Variants in CGN observed in about 807,000 individuals in gnomAD.
CGN encodes cingulin.
A neutral mutation model predicts 157.1 loss-of-function variants in CGN; 121 were observed. The ratio of observed to expected loss-of-function variants is 0.77; its 90% confidence interval spans 0.66 to 0.90. CGN has a LOEUF of 0.90. CGN is among the 40% of genes least tolerant of loss of function. CGN has a pLI of 0.00. For missense variants in CGN, 1,424 were observed against 1,520.9 expected, an observed-to-expected ratio of 0.94 and a Z score of 1.06; for synonymous variants, 535 against 607.5, an observed-to-expected ratio of 0.88 and a Z score of 1.76.
chr1:151,518,861 C>T lies in CGN; in HGVS notation c.342C>T (p.Pro114=), dbSNP rs199670131. The change falls in exon 2 of 21, where the codon CCC becomes CCT. Residue 114 remains proline (P), a synonymous_variant. Transcript: ENST00000271636. ...CTCAGGTCAAGGGATTTCCTGCCCC[C>T]TCGCAGAGCAGCACATCTGATGAGG... ...PYSQVKGFPA[P]SQSSTSDEEP... 89 of 1,613,974 alleles carry T rather than the reference C, an allele frequency of 5.5e-5. 1 individual carries two copies. The East Asian group carries it at 1.9e-3, about 35-fold the overall frequency.
chr1:151,530,981 A>T (rs929053569), intron 13 of CGN, among the ~76,000 whole-genome samples: 1 of 152,092 alleles, frequency 6.6e-6, no homozygotes, highest in Admixed American at 6.5e-5. Context: ...CTCTACTAAA[A>T]ATACAAAAAA....
In CGN at chr1:151,535,969, T is replaced by C; in HGVS notation, c.3197+71T>C. 2.5e-6 allele frequency: 3 copies of C among 1,210,990 alleles called. No individual in the cohort carries two copies. In the South Asian group the frequency reaches 3.8e-5, roughly 15 times the overall value. 75.0% of individuals were successfully genotyped at this position (1,210,990 alleles called of 1,614,324 possible). On this transcript the variant is annotated intron_variant, in intron 18 of 20. Transcript: ENST00000271636. Reference sequence around the variant, plus strand: ...TCCCTCCCTCTTGGCTTTTCTCCTCTGTGGCTCCCTCCATCTTCCACCTCA... The same window carrying C: ...TCCCTCCCTCTTGGCTTTTCTCCTCCGTGGCTCCCTCCATCTTCCACCTCA...
chr1:151,515,016 CTT>C (rs879710325), intron 1 of CGN, among the ~76,000 whole-genome samples: 11 of 143,136 alleles, frequency 7.7e-5, no homozygotes, highest in Admixed American at 1.4e-4. Flanking sequence ...GTACAAACAT[CTT>C]TTTTTTTTTT....
chr1:151,520,717 G>A (rs1664527172), intron 5 of CGN, 26 bp downstream of exon 5: 1 of 1,593,070 alleles, frequency 6.3e-7, no homozygotes, highest in Non-Finnish European at 8.6e-7. Flanking sequence ...AGGTGCCGGA[G>A]GCATGAAGGA....
chr1:151,516,558 TTGA>T, intron 1 of CGN, among the ~76,000 whole-genome samples: 1 of 150,872 alleles, frequency 6.6e-6, no homozygotes, highest in East Asian at 2.0e-4. Flanking sequence ...TTTTTTTTTT[TTGA>T]GATAGAGTTT....
At chr1:151,520,725 G>A in intron 5 of CGN, 34 bp downstream of exon 5, 2 of 1,560,944 alleles carry the variant, frequency 1.3e-6, no homozygotes, top group South Asian at 1.1e-5. Context: ...GAGGCATGAA[G>A]GAAAACAGGG....
intron 2 of CGN, 137 bp downstream of exon 2, chr1:151,519,529 A>G: frequency 1.4e-6 from 1 of 738,472 alleles, no homozygotes; most frequent in Non-Finnish European, 2.2e-6. Context: ...TCTCTACTGT[A>G]TCTGTCCACA....
At chr1:151,533,633 A>T (rs1434641180) in intron 14 of CGN, among the ~76,000 whole-genome samples, 2 of 150,854 alleles carry the variant, frequency 1.3e-5, no homozygotes, top group Non-Finnish European at 3.0e-5. Flanking sequence ...TCTCTACTAA[A>T]AATACAAAAA....
Position 151,535,024 on chromosome 1 carries a change from CTTG to C in CGN, c.2905-15_2905-13del. On this transcript the variant is annotated splice_polypyrimidine_tract_variant and intron_variant, in intron 15 of 20. Transcript: ENST00000271636. ...GTGTCCAGCATTTGGGACAGAATTA[CTTG>C]TTCTTCTGTCCTAGGAAAAAGTCTC... 1.3e-6 allele frequency: 2 copies of C among 1,593,782 alleles called. No individual in the cohort carries two copies. The highest frequency in any genetic ancestry group is 1.7e-6 in the Non-Finnish European group (2 of 1,162,002).
At chr1:151,525,417 C>T (rs1664649579) in intron 8 of CGN, among the ~76,000 whole-genome samples, 2 of 151,980 alleles carry the variant, frequency 1.3e-5, no homozygotes, top group Non-Finnish European at 2.9e-5. Flanking sequence ...TAAAAAGTCC[C>T]AAGGGGAAAT....
intron 9 of CGN, among the ~76,000 whole-genome samples, chr1:151,526,474 C>T (rs1481448783): frequency 3.3e-5 from 5 of 151,078 alleles, no homozygotes. Context: ...TGCACCCAGT[C>T]CCTTTCTTCT....
At chr1:151,533,242 C>T (rs1034531413) in intron 14 of CGN, among the ~76,000 whole-genome samples, 4 of 152,212 alleles carry the variant, frequency 2.6e-5, no homozygotes, top group Non-Finnish European at 5.9e-5. Flanking sequence ...CGTTGGGAGG[C>T]TGAGGCGGGC....
Position 151,529,501 on chromosome 1 carries a change from A to G in CGN, c.2048A>G (p.Asn683Ser). The change falls in exon 11 of 21, where the codon AAC becomes AGC. Residue 683 changes from asparagine to serine, a missense_variant. Physicochemically the swap from Asn to Ser is conservative, Grantham distance 46. This residue lies in a region of CGN where 1,187 missense variants were observed against 1,217.6 expected (regional missense o/e 0.97). Coordinates refer to ENST00000271636, the MANE Select transcript of CGN (RefSeq NM_020770.3). The part of the protein sequence containing the change: ...ADRGRELEEQ[N>S]LQLQKTLQQL... ...CGAGGTCGGGAGCTGGAAGAACAGA[A>G]CCTCCAGCTACAAAAGACCCTCCAG... 1 of 1,613,690 alleles carries G rather than the reference A, an allele frequency of 6.2e-7. No individual in the cohort carries two copies. The highest frequency in any genetic ancestry group is 1.7e-5 in the Admixed American group (1 of 59,964).
chr1:151,537,124 G>A, intron 20 of CGN, 81 bp from the exon 21 acceptor site: 3 of 1,475,732 alleles, frequency 2.0e-6, no homozygotes, highest in South Asian at 1.3e-5. Context: ...GAAGAATTGG[G>A]GTTTCCTTTG....
intron 13 of CGN, 138 bp from the exon 14 acceptor site, chr1:151,532,264 C>T (rs1664852551): frequency 3.7e-6 from 2 of 544,346 alleles, no homozygotes; most frequent in South Asian, 1.0e-4. Flanking sequence ...ATTAGCTATA[C>T]TAGGAACCTA....
At chr1:151,529,877 G>T in intron 11 of CGN, 32 bp from the exon 12 acceptor site, 1 of 1,597,906 alleles carries the variant, frequency 6.3e-7, no homozygotes. Context: ...ACGCCCTGGG[G>T]TCTGAGCTGC....
chr1:151,521,087 A>G (rs1317701009), intron 5 of CGN, among the ~76,000 whole-genome samples: 1 of 152,190 alleles, frequency 6.6e-6, no homozygotes, highest in African/African-American at 2.4e-5. Flanking sequence ...TGGGTACTGT[A>G]ATCATTATAG....
chr1:151,521,641 C>G (rs1376339529), intron 5 of CGN, among the ~76,000 whole-genome samples: 1 of 152,092 alleles, frequency 6.6e-6, no homozygotes, highest in Non-Finnish European at 1.5e-5. Context: ...GAGTTTGAGA[C>G]CAGCCTGACC....
At chr1:151,531,933 T>TGTCAATGAAAAATG (rs1664845605) in intron 13 of CGN, among the ~76,000 whole-genome samples, 1 of 152,340 alleles carries the variant, frequency 6.6e-6, no homozygotes, top group Non-Finnish European at 1.5e-5. Context: ...TTTTATCATT[T>TGTCAATGAAAAATG]CTGAAATAGA....
Sources: allele counts gnomAD v4.1 joint callset (sites outside exome capture counted in the v4.1 genomes callset), GRCh38; gene constraint gnomAD v4.1.1; regional missense constraint gnomAD v4.1.1; transcripts MANE v1.5; gene names NCBI Gene and HGNC (gene_info 2026-07-23, HGNC 2026-07-21).